Variants in NUP62CL observed in about 807,000 individuals in gnomAD.
NUP62CL encodes the protein nucleoporin-62 C-terminal-like protein.
A neutral mutation model predicts 15.3 loss-of-function variants in NUP62CL; 13 were observed. That is an observed-to-expected ratio of 0.85 (90% CI 0.55 to 1.35). The LOEUF (loss-of-function observed/expected upper bound fraction) is 1.35, where lower values mean the gene tolerates loss of function less well. Ranked by LOEUF, NUP62CL falls within the 40% of genes most tolerant of loss-of-function variation. The pLI is 0.00. For missense variants in NUP62CL, 123 were observed against 130.6 expected (o/e 0.94, Z 0.28); for synonymous variants, 54 against 49.2 (o/e 1.10, Z -0.41).
intron 1 of NUP62CL, among the ~76,000 whole-genome samples, chrX:107,199,741 G>A (rs758599703): frequency 8.9e-6 from 1 of 111,814 alleles, no homozygotes; most frequent in East Asian, 2.8e-4. Flanking sequence ...TCTATAAATA[G>A]CAACCTCTGG....
At chrX:107,139,757 G>A (rs1925722115) in intron 8 of NUP62CL, among the ~76,000 whole-genome samples, 1 of 111,811 alleles carries the variant, frequency 8.9e-6, no homozygotes, top group Admixed American at 9.5e-5. Flanking sequence ...TAGTTAGGCT[G>A]TTTAAAAGCA....
intron 1 of NUP62CL, chrX:107,202,658 C>G (rs180844128): frequency 9.8e-6 from 1 of 102,275 alleles, no homozygotes; most frequent in East Asian, 3.0e-4. Context: ...CTTCTCCACT[C>G]CCTTTGCTTC....
intron 8 of NUP62CL, among the ~76,000 whole-genome samples, chrX:107,130,194 C>T (rs1925481461): frequency 9.0e-6 from 1 of 110,682 alleles, no homozygotes; most frequent in South Asian, 3.8e-4. Context: ...ATAATGGGCT[C>T]AGTGGGTCAA....
intron 8 of NUP62CL, among the ~76,000 whole-genome samples, chrX:107,139,758 T>C (rs1925722223): frequency 8.9e-6 from 1 of 111,894 alleles, no homozygotes; most frequent in Non-Finnish European, 1.9e-5. Flanking sequence ...AGTTAGGCTG[T>C]TTAAAAGCAA....
At chrX:107,164,200 A>T (rs1926454299) in intron 4 of NUP62CL, among the ~76,000 whole-genome samples, 1 of 112,053 alleles carries the variant, frequency 8.9e-6, no homozygotes, top group South Asian at 3.7e-4. Flanking sequence ...CAGAAAAAAC[A>T]ACAAGAAAAT....
chrX:107,149,447 T>C (rs1175707708), intron 7 of NUP62CL, among the ~76,000 whole-genome samples: 1 of 112,144 alleles, frequency 8.9e-6, no homozygotes, highest in African/African-American at 3.2e-5. Context: ...ATATTTGTCT[T>C]TGTTCAACTT....
intron 2 of NUP62CL, among the ~76,000 whole-genome samples, chrX:107,180,932 T>G (rs1926904253): frequency 9.6e-6 from 1 of 104,504 alleles, no homozygotes; most frequent in East Asian, 2.9e-4. Context: ...TTTTTTTTTT[T>G]GAGGTGGAGT....
intron 8 of NUP62CL, among the ~76,000 whole-genome samples, chrX:107,141,912 T>A (rs1359403892): frequency 9.2e-6 from 1 of 108,600 alleles, no homozygotes; most frequent in Non-Finnish European, 1.9e-5. Flanking sequence ...ATACAAAAAT[T>A]AGCCGGGTAT....
Position 107,169,375 on chromosome X carries a change from G to A in NUP62CL, c.59-1591C>T, listed in dbSNP as rs899727038. Among the ~76,000 whole-genome samples the A allele has an allele frequency of 5.3e-5, 6 of 112,189 alleles. No homozygotes were observed. In the Admixed American group the frequency reaches 5.7e-4, roughly 11 times the overall value. The stretch of plus-strand genomic sequence containing the variant: ...TTATGTATATGCAATGTTTGATTTG[G>A]GAGGTCCCTAAAGCTGCCTTAAGAA... On this transcript the variant is annotated intron_variant, in intron 3 of 8. Coordinates refer to ENST00000372466, the MANE Select transcript of NUP62CL (RefSeq NM_017681.3).
chrX:107,191,226 T>C (rs1010812286), intron 2 of NUP62CL, among the ~76,000 whole-genome samples: 17 of 103,222 alleles, frequency 1.6e-4, no homozygotes, highest in African/African-American at 5.7e-4. Flanking sequence ...GAAGGTTTTG[T>C]TCTATAGGTT....
Position 107,174,152 on chromosome X carries a change from CT to C in NUP62CL, c.58+936del, listed in dbSNP as rs1427020795. ...CTCTCTCTCTTTCTTTCTTCCTTTC[CT>C]TTTTTTTTTTTTTGGTTTGACAGGG... On this transcript the variant is annotated intron_variant, in intron 3 of 8. Transcript: ENST00000372466. Among the ~76,000 whole-genome samples the C allele has an allele frequency of 3.6e-3, 247 of 68,708 alleles. 1 individual carries two copies. Among genetic ancestry groups the C allele is most frequent in the African/African-American group, 8.9e-3 (159 of 17,842 alleles). The allele number at this position is 68,708 out of a possible 115,157, so 59.7% of individuals were successfully genotyped here.
intron 8 of NUP62CL, among the ~76,000 whole-genome samples, chrX:107,133,679 G>A (rs1332256246): frequency 1.8e-5 from 2 of 112,699 alleles, no homozygotes; most frequent in East Asian, 2.8e-4. Context: ...AGTGGCTCAC[G>A]CCTGTGATCC....
At chrX:107,171,897 T>C (rs1490150898) in intron 3 of NUP62CL, among the ~76,000 whole-genome samples, 1 of 110,365 alleles carries the variant, frequency 9.1e-6, no homozygotes, top group Non-Finnish European at 1.9e-5. Flanking sequence ...CATTGTTTTA[T>C]GGGGAAATGT....
At chrX:107,136,792 C>T (rs1460739094) in intron 8 of NUP62CL, among the ~76,000 whole-genome samples, 1 of 112,323 alleles carries the variant, frequency 8.9e-6, no homozygotes, top group African/African-American at 3.2e-5. Context: ...GTAGGCTGGG[C>T]GTGGTGGCTC....
chrX:107,167,862 T>G, intron 3 of NUP62CL, 78 bp from the exon 4 acceptor site: 1 of 922,453 alleles, frequency 1.1e-6, no homozygotes, highest in Non-Finnish European at 1.5e-6. Flanking sequence ...AGATTTAAAA[T>G]TATGGAGGCA....
intron 4 of NUP62CL, among the ~76,000 whole-genome samples, chrX:107,166,285 G>C (rs1926514324): frequency 8.9e-6 from 1 of 112,071 alleles, no homozygotes; most frequent in Non-Finnish European, 1.9e-5. Flanking sequence ...AGGATCTACT[G>C]ATGGCAAATA....
chrX:107,176,638 A>G (rs1470207904), intron 2 of NUP62CL, among the ~76,000 whole-genome samples: 1 of 109,966 alleles, frequency 9.1e-6, no homozygotes, highest in Non-Finnish European at 1.9e-5. Context: ...TGACTATATT[A>G]AAAACCACTG....
chrX:107,192,288 A>G (rs1927262239), intron 2 of NUP62CL, among the ~76,000 whole-genome samples: 1 of 112,490 alleles, frequency 8.9e-6, no homozygotes, highest in Non-Finnish European at 1.9e-5. Context: ...AAATGAAGGG[A>G]GTCCACAGTA....
intron 8 of NUP62CL, among the ~76,000 whole-genome samples, chrX:107,140,303 C>T (rs994469282): frequency 9.0e-6 from 1 of 111,422 alleles, no homozygotes; most frequent in African/African-American, 3.3e-5. Flanking sequence ...TCTAGGAAAT[C>T]AACTGAATAT....
Sources: allele counts gnomAD v4.1 joint callset (sites outside exome capture counted in the v4.1 genomes callset), GRCh38; gene constraint gnomAD v4.1.1; transcripts MANE v1.5; gene names NCBI Gene and HGNC (gene_info 2026-07-23, HGNC 2026-07-21).